TNIK: variants seen among roughly 807,000 people sequenced by gnomAD.
TNIK encodes the protein TRAF2 and NCK-interacting protein kinase.
A neutral mutation model predicts 191.3 loss-of-function variants in TNIK; 49 were observed. The observed-to-expected ratio is 0.26, with a 90% CI of 0.20 to 0.32. The LOEUF (loss-of-function observed/expected upper bound fraction) is 0.32. TNIK is among the 10% of genes least tolerant of loss of function. TNIK has a pLI of 1.00. For synonymous variants in TNIK, 594 were observed against 600.9 expected, an observed-to-expected ratio of 0.99 and a Z score of 0.17; for missense variants, 1,155 against 1,702.3, an observed-to-expected ratio of 0.68 and a Z score of 5.66.
intron 15 of TNIK, among the ~76,000 whole-genome samples, chr3:171,136,054 G>A (rs1203735236): frequency 6.6e-6 from 1 of 152,206 alleles, no homozygotes; most frequent in Non-Finnish European, 1.5e-5. Flanking sequence ...TGAAGGAGGT[G>A]AAAACTGTTT....
chr3:171,194,713 C>G, intron 4 of TNIK, 78 bp from the exon 5 acceptor site: 2 of 1,264,822 alleles, frequency 1.6e-6, no homozygotes, highest in South Asian at 1.3e-5. Context: ...AAAGCACAAG[C>G]AATTGGCTGC....
intron 2 of TNIK, among the ~76,000 whole-genome samples, chr3:171,328,523 CA>C (rs1240166536): frequency 6.6e-6 from 1 of 152,108 alleles, no homozygotes; most frequent in Non-Finnish European, 1.5e-5. Flanking sequence ...TAATCCTTAC[CA>C]AATTATTTTA....
intron 3 of TNIK, among the ~76,000 whole-genome samples, chr3:171,216,959 G>T (rs181253235): frequency 2.5e-3 from 382 of 152,098 alleles, no homozygotes; most frequent in African/African-American, 8.8e-3. Context: ...CATTCTGCAG[G>T]CAGCACCTGG....
At position 171,250,517 on chromosome 3, in the gene TNIK, G is replaced by A. The variant is rs151196852; in HGVS notation, c.124-22296C>T. Among the ~76,000 whole-genome samples the A allele has an allele frequency of 3.1e-3, 471 of 152,300 alleles. 3 individuals carry two copies. Among genetic ancestry groups the A allele is most frequent in the Non-Finnish European group, 4.2e-3 (288 of 68,038 alleles). On this transcript the variant is annotated intron_variant, in intron 2 of 32. Coordinates refer to ENST00000436636, the MANE Select transcript of TNIK (RefSeq NM_015028.4). ...AATGAAGAATATTAGAGACATTCAT[G>A]TCCACTGATATTAACCCCTTCCATC... is the stretch of plus-strand genomic sequence containing the variant.
At chr3:171,288,427 A>C (rs1751287181) in intron 2 of TNIK, among the ~76,000 whole-genome samples, 6 of 152,150 alleles carry the variant, frequency 3.9e-5, no homozygotes, top group Admixed American at 3.9e-4. Flanking sequence ...ATTTCCAAGG[A>C]ATACATTGGT....
intron 2 of TNIK, among the ~76,000 whole-genome samples, chr3:171,298,290 G>A (rs928251386): frequency 2.6e-5 from 4 of 152,180 alleles, no homozygotes; most frequent in African/African-American, 9.7e-5. Flanking sequence ...GGCAATTACA[G>A]TGAAAGCAGT....
At chr3:171,432,751 A>G (rs1725531395) in intron 1 of TNIK, among the ~76,000 whole-genome samples, 1 of 152,196 alleles carries the variant, frequency 6.6e-6, no homozygotes, top group Non-Finnish European at 1.5e-5. Context: ...CTGCACGTGT[A>G]TAACATTCTC....
At chr3:171,263,009 T>C (rs1347627866) in intron 2 of TNIK, among the ~76,000 whole-genome samples, 1 of 152,180 alleles carries the variant, frequency 6.6e-6, no homozygotes, top group Non-Finnish European at 1.5e-5. Context: ...ATCTGACACA[T>C]AGAACTTATA....
intron 5 of TNIK, 45 bp downstream of exon 5, chr3:171,194,480 G>T: frequency 6.5e-7 from 1 of 1,531,984 alleles, no homozygotes; most frequent in Non-Finnish European, 9.0e-7. Context: ...ATCATGTGTT[G>T]CTTGAAGACT....
At position 171,391,829 on chromosome 3, in the gene TNIK, T is replaced by C. The variant is rs796185928; in HGVS notation, c.58-22144A>G. Among the ~76,000 whole-genome samples, 16 of 152,338 alleles carry C rather than the reference T, an allele frequency of 1.1e-4. 1 individual carries two copies. Among genetic ancestry groups the C allele is most frequent in the African/African-American group, 3.8e-4 (16 of 41,576 alleles). ...GATGAAAAAGTCTTACCCTTTCCTA[T>C]AGTATATAACAATAACTGTGATCAG... is the stretch of plus-strand genomic sequence containing the variant. On this transcript the variant is annotated intron_variant, in intron 1 of 32. Coordinates refer to ENST00000436636, the MANE Select transcript of TNIK (RefSeq NM_015028.4).
At chr3:171,267,117 T>C (rs1748494708) in intron 2 of TNIK, among the ~76,000 whole-genome samples, 1 of 152,234 alleles carries the variant, frequency 6.6e-6, no homozygotes, top group South Asian at 2.1e-4. Flanking sequence ...AAAATTATTA[T>C]TCAGAATGTA....
intron 18 of TNIK, among the ~76,000 whole-genome samples, chr3:171,114,002 A>G (rs1461488946): frequency 6.8e-6 from 1 of 146,526 alleles, no homozygotes; most frequent in African/African-American, 2.5e-5. Context: ...TTTTGTTAAA[A>G]AAAAAAAAAA....
intron 6 of TNIK, 58 bp from the exon 7 acceptor site, chr3:171,188,890 A>C: frequency 6.3e-7 from 1 of 1,574,842 alleles, no homozygotes; most frequent in Non-Finnish European, 8.7e-7. Flanking sequence ...GATAGCGATA[A>C]AATGAATGTG....
intron 30 of TNIK, among the ~76,000 whole-genome samples, chr3:171,067,192 AAAG>A (rs1403479250): frequency 1.3e-5 from 2 of 152,166 alleles, no homozygotes; most frequent in Non-Finnish European, 2.9e-5. Context: ...ACCACTTCCA[AAAG>A]AAGATGAGGA....
At chr3:171,240,208 A>C (rs1744781212) in intron 2 of TNIK, among the ~76,000 whole-genome samples, 1 of 152,132 alleles carries the variant, frequency 6.6e-6, no homozygotes, top group Non-Finnish European at 1.5e-5. Context: ...ACGGGTAAGC[A>C]CAGCATCTTG....
intron 2 of TNIK, among the ~76,000 whole-genome samples, chr3:171,286,104 G>T (rs1750982070): frequency 6.6e-6 from 1 of 152,100 alleles, no homozygotes; most frequent in Non-Finnish European, 1.5e-5. Flanking sequence ...GAGGGGAGAG[G>T]GGTATATGTC....
rs187571586 is a variant in TNIK at position 171,211,049 on chromosome 3, A to C, written c.306+67T>G. 63 of 1,588,702 alleles carry C rather than the reference A, an allele frequency of 4.0e-5. 1 individual carries two copies. The East Asian group carries it at 1.4e-3, about 35-fold the overall frequency. Reference sequence around the variant, plus strand: ...TAATCAAATTTTGTCATGAGGATAGAAAAATGAACCATTTGGCCGTGTTTG... The same window carrying C: ...TAATCAAATTTTGTCATGAGGATAGCAAAATGAACCATTTGGCCGTGTTTG... On this transcript the variant is annotated intron_variant, in intron 4 of 32. Transcript: ENST00000436636.
At chr3:171,164,820 T>C (rs1024257151) in intron 10 of TNIK, among the ~76,000 whole-genome samples, 2 of 152,242 alleles carry the variant, frequency 1.3e-5, no homozygotes, top group African/African-American at 2.4e-5. Flanking sequence ...GTTTGACCTA[T>C]GTATTTCTCT....
intron 32 of TNIK, among the ~76,000 whole-genome samples, chr3:171,065,434 A>G (rs1718311460): frequency 1.3e-5 from 2 of 152,178 alleles, no homozygotes; most frequent in Admixed American, 6.5e-5. Context: ...CTGTTTTTCT[A>G]TAGGCGTTTA....
Sources: allele counts gnomAD v4.1 joint callset (sites outside exome capture counted in the v4.1 genomes callset), GRCh38; gene constraint gnomAD v4.1.1; transcripts MANE v1.5; gene names NCBI Gene and HGNC (gene_info 2026-07-23, HGNC 2026-07-21).